Variants in DERA observed in about 807,000 individuals in gnomAD.
DERA encodes deoxyribose-phosphate aldolase.
Under a neutral mutation model 41.1 loss-of-function variants are expected in DERA, and 15 were observed. That is an observed-to-expected ratio of 0.37 (90% confidence interval 0.24 to 0.56). The LOEUF (loss-of-function observed/expected upper bound fraction) is 0.56. Ranked by LOEUF, DERA falls within the 20% of genes least tolerant of loss-of-function variation. DERA has a pLI of 0.81. For missense variants in DERA, 396 were observed against 403.4 expected (o/e 0.98, Z 0.16); for synonymous variants, 139 against 137.4 (o/e 1.01, Z -0.08).
rs1424718195 is a variant in DERA, at chr12:15,985,731, A to G, written c.637+3295A>G. On this transcript the variant is annotated intron_variant, in intron 6 of 8. Coordinates refer to ENST00000428559, the MANE Select transcript of DERA (RefSeq NM_015954.4). The surrounding 1 kb of genome is among the most constrained non-coding windows in gnomAD (Gnocchi z 4.2). ...TAATTTAAGATTTTGTTATCCTCAG[A>G]GAGTATCCATTGTAAGAATCTTTTG... 6.6e-6 allele frequency among the ~76,000 whole-genome samples: 1 copy of G among 152,060 alleles called. No homozygotes were observed. Among genetic ancestry groups the G allele is most frequent in the East Asian group, 1.9e-4 (1 of 5,188 alleles).
At chr12:15,951,113 A>G (rs761994472) in intron 1 of DERA, among the ~76,000 whole-genome samples, 1 of 152,236 alleles carries the variant, frequency 6.6e-6, no homozygotes, top group Non-Finnish European at 1.5e-5. Flanking sequence ...AGCATGGACT[A>G]GAGGGGAATG....
In DERA at chr12:15,921,449, ACATATT is replaced by A. The variant is rs1353361675; in HGVS notation, c.31+10039_31+10044del. On this transcript the variant is annotated intron_variant, in intron 1 of 8. Transcript: ENST00000428559. The surrounding 1 kb of genome is among the most constrained non-coding windows in gnomAD (Gnocchi z 5.3). ...TCCGTTAATTTTCTGGTAGAAAAAA[ACATATT>A]CATGTTTCCTTGAGATTATGGATTA... 6.6e-6 allele frequency among the ~76,000 whole-genome samples: 1 copy of A among 152,222 alleles called. No homozygotes were observed. Among genetic ancestry groups the A allele is most frequent in the African/African-American group, 2.4e-5 (1 of 41,448 alleles).
rs1445058735 is a variant in DERA at position 15,994,963 on chromosome 12, G to C, written c.637+12527G>C. On this transcript the variant is annotated intron_variant, in intron 6 of 8. Coordinates refer to ENST00000428559, the MANE Select transcript of DERA (RefSeq NM_015954.4). This position sits in a 1 kb window ranked among gnomAD's most constrained non-coding sequence, Gnocchi z 4.8. ...GGTATCTTATTATCATCTTTTAGTA[G>C]ATGAAAACCTGAAGCTCAGAAGTTA... Among the ~76,000 whole-genome samples the C allele has an allele frequency of 6.6e-6, 1 of 152,186 alleles. No individual in the cohort carries two copies. Among genetic ancestry groups the C allele is most frequent in the African/African-American group, 2.4e-5 (1 of 41,438 alleles).
intron 1 of DERA, among the ~76,000 whole-genome samples, chr12:15,937,105 C>T (rs188903310): frequency 2.6e-5 from 4 of 152,098 alleles, no homozygotes; most frequent in Non-Finnish European, 4.4e-5. Context: ...CTGGCATGCA[C>T]CAGCACGACC....
At chr12:15,963,216 CA>C (rs1440821843) in intron 5 of DERA, among the ~76,000 whole-genome samples, 1 of 152,126 alleles carries the variant, frequency 6.6e-6, no homozygotes, top group East Asian at 1.9e-4. Flanking sequence ...ACTTTTAAAA[CA>C]ATTTTATTTT....
Position 15,924,141 on chromosome 12 carries a change from T to C in DERA, c.31+12727T>C, listed in dbSNP as rs767736590. The stretch of plus-strand genomic sequence containing the variant: ...TCTATAAAATTCTATTAAAATTATA[T>C]ATGTGGTTGGGTTAGGTGGCTTATG... On this transcript the variant is annotated intron_variant, in intron 1 of 8. Coordinates refer to ENST00000428559, the MANE Select transcript of DERA (RefSeq NM_015954.4). The surrounding 1 kb of genome is among the most constrained non-coding windows in gnomAD (Gnocchi z 5.0). 2.0e-5 allele frequency among the ~76,000 whole-genome samples: 3 copies of C among 152,204 alleles called. No homozygotes were observed. The highest frequency in any genetic ancestry group is 4.4e-5 in the Non-Finnish European group (3 of 68,034).
At position 16,018,044 on chromosome 12, in the gene DERA, A is replaced by C. The variant is rs7315068; in HGVS notation, c.638-14498A>C. 4.5e-3 allele frequency among the ~76,000 whole-genome samples: 684 copies of C among 152,202 alleles called. 8 individuals are homozygous for C. Among genetic ancestry groups the C allele is most frequent in the African/African-American group, 0.015 (637 of 41,498 alleles). The stretch of plus-strand genomic sequence containing the variant: ...AAGATCTTACTAGTAACTTCCTATA[A>C]CATAAATAAGATTTGTTCAAGAAAT... On this transcript the variant is annotated intron_variant, in intron 6 of 8. Transcript: ENST00000428559.
At chr12:15,937,050 G>GA (rs749491949) in intron 1 of DERA, among the ~76,000 whole-genome samples, 5 of 152,008 alleles carry the variant, frequency 3.3e-5, no homozygotes, top group Non-Finnish European at 7.4e-5. Flanking sequence ...ATGGTTCACT[G>GA]AAGCCTCAAG....
chr12:15,967,572 T>C lies in DERA; in HGVS notation c.508+4625T>C, dbSNP rs1419418690. On this transcript the variant is annotated intron_variant, in intron 5 of 8. Transcript: ENST00000428559. The surrounding 1 kb of genome is among the most constrained non-coding windows in gnomAD (Gnocchi z 4.9). ...TATTATCCCAGAATACAGTGATGCT[T>C]TCAGGGGCCAGTGGAATCTCTGAGA... Among the ~76,000 whole-genome samples the C allele has an allele frequency of 5.9e-5, 9 of 152,236 alleles. No homozygotes were observed.
rs1259614102 is a variant in DERA, at chr12:15,982,014, A to G, written c.509-294A>G. Reference sequence around the variant, plus strand: ...GTTGGAAGCAACCATCATATGGACAAGACAGAAATTATTTATAATTTGCAT... The same window carrying G: ...GTTGGAAGCAACCATCATATGGACAGGACAGAAATTATTTATAATTTGCAT... On this transcript the variant is annotated intron_variant, in intron 5 of 8. Transcript: ENST00000428559. The surrounding 1 kb of genome is among the most constrained non-coding windows in gnomAD (Gnocchi z 4.0). Among the ~76,000 whole-genome samples the G allele has an allele frequency of 6.6e-6, 1 of 152,184 alleles. No homozygotes were observed. The highest frequency in any genetic ancestry group is 1.5e-5 in the Non-Finnish European group (1 of 68,030).
intron 1 of DERA, among the ~76,000 whole-genome samples, chr12:15,919,389 CAG>C (rs1948225074): frequency 6.6e-6 from 1 of 152,088 alleles, no homozygotes; most frequent in Non-Finnish European, 1.5e-5. Flanking sequence ...AGACAGCAGA[CAG>C]AGCCCTTGAG....
Position 15,996,840 on chromosome 12 carries a change from T to A in DERA, c.637+14404T>A, listed in dbSNP as rs1015990556. 2.6e-5 allele frequency among the ~76,000 whole-genome samples: 4 copies of A among 152,174 alleles called. No homozygotes were observed. The highest frequency in any genetic ancestry group is 5.9e-5 in the Non-Finnish European group (4 of 68,028). Reference sequence around the variant, plus strand: ...AAGATTGATTTTTCCCTCTCAGCAATGTTGAATGGTTTTGTGGATAGGGGA... The same window carrying A: ...AAGATTGATTTTTCCCTCTCAGCAAAGTTGAATGGTTTTGTGGATAGGGGA... On this transcript the variant is annotated intron_variant, in intron 6 of 8. Coordinates refer to ENST00000428559, the MANE Select transcript of DERA (RefSeq NM_015954.4). This position sits in a 1 kb window ranked among gnomAD's most constrained non-coding sequence, Gnocchi z 4.7.
chr12:15,940,874 C>T lies in DERA; in HGVS notation c.32-16062C>T, dbSNP rs531789862. On this transcript the variant is annotated intron_variant, in intron 1 of 8. Transcript: ENST00000428559. This position sits in a 1 kb window ranked among gnomAD's most constrained non-coding sequence, Gnocchi z 5.1. ...TAGCAGATTTAGGTCATCCTGGAGT[C>T]TGATATATAAATAGATAGATAGATA... 6.6e-6 allele frequency among the ~76,000 whole-genome samples: 1 copy of T among 152,150 alleles called. No individual in the cohort carries two copies. Among genetic ancestry groups the T allele is most frequent in the South Asian group, 2.1e-4 (1 of 4,824 alleles).
Position 15,938,243 on chromosome 12 carries a change from T to TA in DERA, c.32-18692dup, listed in dbSNP as rs1379020168. Among the ~76,000 whole-genome samples, 1 of 152,210 alleles carries TA rather than the reference T, an allele frequency of 6.6e-6. No homozygotes were observed. The highest frequency in any genetic ancestry group is 1.5e-5 in the Non-Finnish European group (1 of 68,038). ...TGTTAGGGTGACTTAGCATGCAAAT[T>TA]AGACACTTTTGACAGCAAAAGGGAG... On this transcript the variant is annotated intron_variant, in intron 1 of 8. Coordinates refer to ENST00000428559, the MANE Select transcript of DERA (RefSeq NM_015954.4). This position sits in a 1 kb window ranked among gnomAD's most constrained non-coding sequence, Gnocchi z 4.1.
At chr12:15,960,650 A>AAAC (rs1948579921) in intron 4 of DERA, among the ~76,000 whole-genome samples, 2 of 151,162 alleles carry the variant, frequency 1.3e-5, no homozygotes, top group South Asian at 2.1e-4. Context: ...AAAAAAAAAA[A>AAAC]AAAAAAAAAA....
intron 1 of DERA, among the ~76,000 whole-genome samples, chr12:15,926,580 C>G (rs1022183854): frequency 4.6e-5 from 7 of 151,282 alleles, no homozygotes; most frequent in African/African-American, 1.7e-4. Context: ...ACTAAAAATA[C>G]AAAAAATTAG....
chr12:15,952,537 A>G (rs932587876), intron 1 of DERA, among the ~76,000 whole-genome samples: 8 of 152,234 alleles, frequency 5.3e-5, no homozygotes, highest in Non-Finnish European at 1.0e-4. Context: ...CACATTATAA[A>G]AAAAATAAAA....
intron 6 of DERA, among the ~76,000 whole-genome samples, chr12:16,025,129 A>G (rs1949044555): frequency 6.6e-6 from 1 of 152,160 alleles, no homozygotes; most frequent in African/African-American, 2.4e-5. Flanking sequence ...AAGCCAGGAA[A>G]GGCAGAAAAA....
rs1164345668 is a variant in DERA, at chr12:15,988,413, C to A, written c.637+5977C>A. Among the ~76,000 whole-genome samples the A allele has an allele frequency of 6.6e-6, 1 of 152,152 alleles. No individual in the cohort carries two copies. The highest frequency in any genetic ancestry group is 2.4e-5 in the African/African-American group (1 of 41,438). The stretch of plus-strand genomic sequence containing the variant: ...GAGACCCAAAGCAAGTAGCTCCTTT[C>A]TGCAGGCAGGTCATCCCAACAAGTG... On this transcript the variant is annotated intron_variant, in intron 6 of 8. Transcript: ENST00000428559. The surrounding 1 kb of genome is among the most constrained non-coding windows in gnomAD (Gnocchi z 6.0).
Sources: allele counts gnomAD v4.1 joint callset (sites outside exome capture counted in the v4.1 genomes callset), GRCh38; gene constraint gnomAD v4.1.1; non-coding constraint Gnocchi (gnomAD v3.1); transcripts MANE v1.5; gene names NCBI Gene and HGNC (gene_info 2026-07-23, HGNC 2026-07-21).